The following DGKI variants were observed in gnomAD, a reference collection of about 807,000 sequenced individuals.
DGKI encodes diacylglycerol kinase iota.
Under a neutral mutation model 147.5 loss-of-function variants are expected in DGKI, and 55 were observed. The observed-to-expected ratio is 0.37, with a 90% CI of 0.30 to 0.47. The LOEUF (loss-of-function observed/expected upper bound fraction) is 0.47, where lower values mean the gene tolerates loss of function less well. Ranked by LOEUF, DGKI falls within the 20% of genes least tolerant of loss-of-function variation. The probability of loss-of-function intolerance (pLI) is 1.00; values close to 1 mark genes in which losing one functional copy is unlikely to be tolerated. For synonymous variants in DGKI, 469 were observed against 477.1 expected, an observed-to-expected ratio of 0.98 and a Z score of 0.22; for missense variants, 1,007 against 1,323.8, an observed-to-expected ratio of 0.76 and a Z score of 3.71.
intron 21 of DGKI, among the ~76,000 whole-genome samples, chr7:137,510,818 C>G (rs1233063927): frequency 6.6e-6 from 1 of 152,106 alleles, no homozygotes; most frequent in African/African-American, 2.4e-5. Context: ...GCTGAAGGGG[C>G]CCCAAGCCTC....
chr7:137,537,341 C>T (rs1045775130), intron 20 of DGKI, among the ~76,000 whole-genome samples: 10 of 152,154 alleles, frequency 6.6e-5, no homozygotes, highest in Non-Finnish European at 1.5e-4. Flanking sequence ...AATAGCATGC[C>T]TTTAAATTCT....
chr7:137,737,512 T>TAAA (rs11435717), intron 1 of DGKI, among the ~76,000 whole-genome samples: 2,398 of 146,660 alleles, frequency 0.016, 35 homozygotes, highest in Non-Finnish European at 0.025. Context: ...TTCGTTTTAT[T>TAAA]AAAAAAAAAA....
intron 1 of DGKI, among the ~76,000 whole-genome samples, chr7:137,845,162 C>G (rs563295348): frequency 1.3e-5 from 2 of 152,190 alleles, no homozygotes; most frequent in African/African-American, 2.4e-5. Context: ...ATGGGAGGAA[C>G]GCAGAAGCAA....
intron 19 of DGKI, among the ~76,000 whole-genome samples, chr7:137,562,951 A>G (rs1723096): frequency 0.12 from 18,050 of 152,082 alleles, 2,487 homozygotes; most frequent in African/African-American, 0.33. Flanking sequence ...ACCCAATCAA[A>G]TTATGCAAGA....
intron 3 of DGKI, among the ~76,000 whole-genome samples, chr7:137,673,892 T>C (rs1822938288): frequency 6.6e-6 from 1 of 152,216 alleles, no homozygotes. Flanking sequence ...ACAGTTTCTA[T>C]CTGGCTGTGC....
rs1402106326 is a variant in DGKI, at chr7:137,390,028, T to C, written c.*1192A>G. 1 of 152,144 alleles carries C rather than the reference T, an allele frequency of 6.6e-6. No individual in the cohort carries two copies. The allele number at this position is 152,144 out of a possible 1,614,324, so 9.4% of individuals were successfully genotyped here. ...TTGGGTCAAGGATTACTTGGAGTAA[T>C]GAAAACCAAAAACCTAAAAGAAAGA... On this transcript the variant is annotated 3_prime_UTR_variant, in exon 33 of 33. Transcript: ENST00000614521.
Position 137,800,130 on chromosome 7 carries a change from T to C in DGKI, c.401+46332A>G, listed in dbSNP as rs534688613. 8.5e-5 allele frequency among the ~76,000 whole-genome samples: 13 copies of C among 152,272 alleles called. No individual in the cohort carries two copies. In the East Asian group the frequency reaches 1.2e-3, roughly 14 times the overall value. On this transcript the variant is annotated intron_variant, in intron 1 of 32. Coordinates refer to ENST00000614521, the MANE Select transcript of DGKI (RefSeq NM_001321708.2). ...TTTGGGGATTCCAATTTCCCCCCTATAGAATATGGCAAGGTTGGAGTTGAG... is the reference window on the plus strand; with the variant it reads ...TTTGGGGATTCCAATTTCCCCCCTACAGAATATGGCAAGGTTGGAGTTGAG...
chr7:137,585,646 G>C (rs1819367079), intron 13 of DGKI, among the ~76,000 whole-genome samples: 1 of 152,180 alleles, frequency 6.6e-6, no homozygotes, highest in Non-Finnish European at 1.5e-5. Flanking sequence ...TTTGTTATCA[G>C]AGTAAAAAAC....
chr7:137,388,383 G>C lies in DGKI; in HGVS notation c.*2837C>G, dbSNP rs910205827. 1.3e-5 allele frequency: 2 copies of C among 152,146 alleles called. No individual in the cohort carries two copies. The highest frequency in any genetic ancestry group is 4.8e-5 in the African/African-American group (2 of 41,438). The allele number at this position is 152,146 out of a possible 1,614,324, so 9.4% of individuals were successfully genotyped here. A position where few individuals can be genotyped will look rare whatever the true frequency, so the allele number is the denominator to read the frequency against. On this transcript the variant is annotated 3_prime_UTR_variant, in exon 33 of 33. Transcript: ENST00000614521. ...CATCTAAAAATGGAATCTCAAAGCA[G>C]TCAGTGCCATGACACAAAGAAACAA... is the stretch of plus-strand genomic sequence containing the variant.
At chr7:137,659,460 G>C (rs780184471) in intron 3 of DGKI, among the ~76,000 whole-genome samples, 1 of 152,156 alleles carries the variant, frequency 6.6e-6, no homozygotes, top group Non-Finnish European at 1.5e-5. Context: ...CTAGAATTTT[G>C]TGCTTAGTTA....
At chr7:137,427,939 C>G (rs565032196) in intron 28 of DGKI, among the ~76,000 whole-genome samples, 6 of 151,130 alleles carry the variant, frequency 4.0e-5, no homozygotes, top group Middle Eastern at 3.4e-3. Context: ...AGTCCACGAC[C>G]AGATGGATTC....
chr7:137,519,311 T>A (rs1246179797), intron 21 of DGKI, among the ~76,000 whole-genome samples: 1 of 151,996 alleles, frequency 6.6e-6, no homozygotes, highest in African/African-American at 2.4e-5. Context: ...CTTTGTTAGG[T>A]GACAAACATG....
rs144684241 is a variant in DGKI at position 137,790,351 on chromosome 7, C to T, written c.401+56111G>A. Among the ~76,000 whole-genome samples the T allele has an allele frequency of 1.6e-3, 246 of 151,912 alleles. 1 individual carries two copies. Among genetic ancestry groups the T allele is most frequent in the Admixed American group, 3.2e-3 (49 of 15,260 alleles). On this transcript the variant is annotated intron_variant, in intron 1 of 32. Transcript: ENST00000614521. ...AAAAGGGATCAATGTATTCATGATC[C>T]GAAGACTGACTCTGGATATGACTGC...
At chr7:137,708,147 C>T (rs1422129207) in intron 1 of DGKI, among the ~76,000 whole-genome samples, 1 of 152,176 alleles carries the variant, frequency 6.6e-6, no homozygotes, top group East Asian at 1.9e-4. Context: ...TTCTCTTCTG[C>T]CAGATAGCCA....
chr7:137,846,388 C>A lies in DGKI; in HGVS notation c.401+74G>T. 1.0e-6 allele frequency: 1 copy of A among 1,002,870 alleles called. No homozygotes were observed. Among genetic ancestry groups the A allele is most frequent in the South Asian group, 1.4e-5 (1 of 71,832 alleles). 62.1% of individuals were successfully genotyped at this position (1,002,870 alleles called of 1,614,324 possible). On this transcript the variant is annotated intron_variant, in intron 1 of 32. Transcript: ENST00000614521. This position sits in a 1 kb window ranked among gnomAD's most constrained non-coding sequence, Gnocchi z 4.0. ...AGAGAGGTGCCCAACTCCGCGGAAG[C>A]GCCCCTTGCTGGGTAGAAGAGTGGG...
At chr7:137,549,861 G>T (rs977092203) in intron 20 of DGKI, among the ~76,000 whole-genome samples, 22 of 152,232 alleles carry the variant, frequency 1.4e-4, no homozygotes, top group Admixed American at 1.4e-3. Flanking sequence ...AGATCAGAAT[G>T]AGAGCAATTA....
chr7:137,494,715 A>C (rs1815895599), intron 21 of DGKI, among the ~76,000 whole-genome samples: 1 of 152,190 alleles, frequency 6.6e-6, no homozygotes, highest in Non-Finnish European at 1.5e-5. Flanking sequence ...CCACTACAAA[A>C]ACATGCCTAA....
intron 17 of DGKI, among the ~76,000 whole-genome samples, chr7:137,573,723 T>A (rs1818871528): frequency 6.6e-6 from 1 of 152,178 alleles, no homozygotes; most frequent in Admixed American, 6.5e-5. Context: ...TTTAGACTTC[T>A]AAGATTCACT....
intron 1 of DGKI, among the ~76,000 whole-genome samples, chr7:137,825,398 G>C (rs1359805636): frequency 1.3e-5 from 2 of 152,052 alleles, no homozygotes; most frequent in African/African-American, 2.4e-5. Context: ...GAAGCATGGT[G>C]GTGGTGACAG....
Sources: allele counts gnomAD v4.1 joint callset (sites outside exome capture counted in the v4.1 genomes callset), GRCh38; gene constraint gnomAD v4.1.1; non-coding constraint Gnocchi (gnomAD v3.1); transcripts MANE v1.5; gene names NCBI Gene and HGNC (gene_info 2026-07-23, HGNC 2026-07-21).